Variants in SSBP2 observed in about 807,000 individuals in gnomAD.
SSBP2 encodes single stranded DNA binding protein 2.
Under a neutral mutation model 61.8 loss-of-function variants are expected in SSBP2, and 17 were observed. The ratio of observed to expected loss-of-function variants is 0.28; its 90% CI spans 0.19 to 0.41. SSBP2 has a LOEUF of 0.41. SSBP2 is among the 10% of genes least tolerant of loss of function. The pLI is 1.00. For missense variants in SSBP2, 310 were observed against 458.7 expected, an observed-to-expected ratio of 0.68 and a Z score of 2.96; for synonymous variants, 139 against 141.3, an observed-to-expected ratio of 0.98 and a Z score of 0.12.
chr5:81,668,098 G>C (rs535056562), intron 1 of SSBP2, among the ~76,000 whole-genome samples: 38 of 151,844 alleles, frequency 2.5e-4, no homozygotes, highest in Admixed American at 1.8e-3. Flanking sequence ...GCACTGCTTC[G>C]TGCTGGGAGG....
rs1425079226 is a variant in SSBP2 at position 81,418,808 on chromosome 5, A to G, written c.*1696T>C. The G allele has an allele frequency of 6.6e-6, 1 of 152,232 alleles. No homozygotes were observed. Among genetic ancestry groups the G allele is most frequent in the African/African-American group, 2.4e-5 (1 of 41,458 alleles). 9.4% of individuals were successfully genotyped at this position (152,232 alleles called of 1,614,324 possible). On this transcript the variant is annotated 3_prime_UTR_variant, in exon 17 of 17. Transcript: ENST00000320672. ...CTTATAGGACCACTGCTGTATATGC[A>G]GTCTGTGGTTGATTGGAATGTCATT...
At chr5:81,441,839 TAA>T (rs1763060642) in intron 13 of SSBP2, among the ~76,000 whole-genome samples, 1 of 152,232 alleles carries the variant, frequency 6.6e-6, no homozygotes, top group Admixed American at 6.5e-5. Context: ...TAATTGACTT[TAA>T]ACTTACTGCT....
At chr5:81,474,759 A>G (rs1561443881) in intron 6 of SSBP2, among the ~76,000 whole-genome samples, 197 bp from the exon 7 acceptor site, 2 of 152,176 alleles carry the variant, frequency 1.3e-5, no homozygotes, top group Non-Finnish European at 2.9e-5. Flanking sequence ...TTCTAAAAAG[A>G]TTCTACTTTG....
chr5:81,526,663 CT>C (rs1769964245), intron 4 of SSBP2, among the ~76,000 whole-genome samples: 1 of 151,844 alleles, frequency 6.6e-6, no homozygotes, highest in African/African-American at 2.4e-5. Flanking sequence ...TTAAATCAAC[CT>C]TTTGAATTCA....
At chr5:81,501,328 T>A (rs1767746015) in intron 5 of SSBP2, among the ~76,000 whole-genome samples, 1 of 138,636 alleles carries the variant, frequency 7.2e-6, no homozygotes, top group African/African-American at 2.6e-5. Flanking sequence ...AATATATGCA[T>A]CTTAAATACA....
At chr5:81,438,064 T>G (rs1004210710) in intron 14 of SSBP2, among the ~76,000 whole-genome samples, 1 of 152,090 alleles carries the variant, frequency 6.6e-6, no homozygotes, top group Non-Finnish European at 1.5e-5. Flanking sequence ...ATGTAAGAAA[T>G]AGAGACCGGG....
chr5:81,607,712 T>C (rs72773056), intron 4 of SSBP2, among the ~76,000 whole-genome samples: 1 of 152,326 alleles, frequency 6.6e-6, no homozygotes, highest in Non-Finnish European at 1.5e-5. Flanking sequence ...ACTTGACTAC[T>C]TTCTAAAATG....
intron 1 of SSBP2, among the ~76,000 whole-genome samples, chr5:81,747,686 TG>T (rs1165256536): frequency 6.6e-6 from 1 of 152,178 alleles, no homozygotes; most frequent in Non-Finnish European, 1.5e-5. Context: ...TTGATGCTTT[TG>T]GTATTAGAAG....
At chr5:81,591,828 C>A (rs1407152075) in intron 4 of SSBP2, among the ~76,000 whole-genome samples, 1 of 151,980 alleles carries the variant, frequency 6.6e-6, no homozygotes, top group South Asian at 2.1e-4. Flanking sequence ...ATATAAACAA[C>A]AACAACAAAA....
intron 5 of SSBP2, among the ~76,000 whole-genome samples, chr5:81,501,975 A>G (rs1767828005): frequency 6.6e-6 from 1 of 152,064 alleles, no homozygotes; most frequent in Admixed American, 6.5e-5. Context: ...CTGTTCCTCA[A>G]AATAGTTTGT....
intron 12 of SSBP2, 25 bp from the exon 13 acceptor site, chr5:81,442,748 A>T (rs1763114664): frequency 2.3e-6 from 3 of 1,316,188 alleles, no homozygotes; most frequent in African/African-American, 1.5e-5. Flanking sequence ...TACTTAATTA[A>T]AATATTTCTT....
chr5:81,605,139 T>C (rs1163569559), intron 4 of SSBP2, among the ~76,000 whole-genome samples: 2 of 152,110 alleles, frequency 1.3e-5, no homozygotes, highest in Non-Finnish European at 2.9e-5. Context: ...TATAAATCTG[T>C]TTTAACTGAT....
chr5:81,504,722 ATTTATT>A (rs1298158415), intron 5 of SSBP2, among the ~76,000 whole-genome samples: 1 of 152,078 alleles, frequency 6.6e-6, no homozygotes, highest in African/African-American at 2.4e-5. Context: ...TAAAATAGTT[ATTTATT>A]TTGCTCAGTT....
At chr5:81,440,728 C>T (rs1466012182) in intron 13 of SSBP2, 92 bp from the exon 14 acceptor site, 4 of 879,846 alleles carry the variant, frequency 4.5e-6, no homozygotes, top group African/African-American at 3.5e-5. Context: ...AAGACACTGC[C>T]ACAACTTATT....
At chr5:81,655,511 A>G (rs1311181158) in intron 1 of SSBP2, among the ~76,000 whole-genome samples, 1 of 152,204 alleles carries the variant, frequency 6.6e-6, no homozygotes, top group Non-Finnish European at 1.5e-5. Context: ...TTTAAACTGG[A>G]TATCAGTGAC....
intron 1 of SSBP2, among the ~76,000 whole-genome samples, chr5:81,672,207 C>A (rs1352845549): frequency 6.6e-6 from 1 of 152,060 alleles, no homozygotes; most frequent in East Asian, 1.9e-4. Flanking sequence ...TCACATAATT[C>A]TCTTATTTTT....
rs766994399 is a variant in SSBP2, at chr5:81,415,922, A to AAAAAAAAAAAG, written c.*4581_*4582insCTTTTTTTTTT. 1.4e-5 allele frequency: 1 copy of AAAAAAAAAAAG among 73,744 alleles called. No homozygotes were observed. The highest frequency in any genetic ancestry group is 1.5e-4 in the African/African-American group (1 of 6,788). 4.6% of individuals were successfully genotyped at this position (73,744 alleles called of 1,614,324 possible). On this transcript the variant is annotated 3_prime_UTR_variant, in exon 17 of 17. Coordinates refer to ENST00000320672, the MANE Select transcript of SSBP2 (RefSeq NM_012446.5). ...GCAAGATTCTGACTCAAAAAAAAAA[A>AAAAAAAAAAAG]AAAAAAAGAGGAAAACCTGATCAAG...
chr5:81,412,946 T>C lies in SSBP2; in HGVS notation c.*7558A>G, dbSNP rs149423365. ...GCATTGTAGCCTCTTCTTCCATGCA[T>C]ATAGATCCTTTGATATTAGAACCTC... On this transcript the variant is annotated 3_prime_UTR_variant, in exon 17 of 17. Transcript: ENST00000320672. The C allele has an allele frequency of 6.6e-6, 1 of 152,296 alleles. No individual in the cohort carries two copies. The highest frequency in any genetic ancestry group is 2.4e-5 in the African/African-American group (1 of 41,590). The allele number at this position is 152,296 out of a possible 1,614,324, so 9.4% of individuals were successfully genotyped here. A position where few individuals can be genotyped will look rare whatever the true frequency, so the allele number is the denominator to read the frequency against.
chr5:81,541,113 T>C (rs546261163), intron 4 of SSBP2, among the ~76,000 whole-genome samples: 2 of 152,214 alleles, frequency 1.3e-5, no homozygotes, highest in South Asian at 2.1e-4. Flanking sequence ...AGCATTTCTA[T>C]ATACTAATCA....
Sources: allele counts gnomAD v4.1 joint callset (sites outside exome capture counted in the v4.1 genomes callset), GRCh38; gene constraint gnomAD v4.1.1; transcripts MANE v1.5; gene names NCBI Gene and HGNC (gene_info 2026-07-23, HGNC 2026-07-21).